Variants in LINGO1 observed in about 807,000 individuals in gnomAD.
LINGO1 encodes the protein leucine rich repeat and Ig domain containing 1.
LINGO1 carries 11 observed loss-of-function variants against 37.3 expected under a neutral mutation model. The observed-to-expected ratio is 0.29, with a 90% confidence interval of 0.19 to 0.49. The LOEUF (loss-of-function observed/expected upper bound fraction) is 0.49, where lower values mean the gene tolerates loss of function less well. Ranked by LOEUF, LINGO1 falls within the 20% of genes least tolerant of loss-of-function variation. The pLI, the probability that LINGO1 is intolerant of heterozygous loss-of-function variation, is 0.99. For synonymous variants in LINGO1, 387 were observed against 403.0 expected (o/e 0.96, Z 0.48); for missense variants, 585 against 878.2 (o/e 0.67, Z 4.22).
chr15:77,814,812 G>C (rs1215310800), intron 1 of LINGO1, among the ~76,000 whole-genome samples: 1 of 152,242 alleles, frequency 6.6e-6, no homozygotes, highest in Admixed American at 6.5e-5. Context: ...CAGAGTTTCA[G>C]AATCAGCGCC....
At position 77,632,301 on chromosome 15, in the gene LINGO1, C is replaced by T. The variant is rs574047775; in HGVS notation, c.6+9G>A. On this transcript the variant is annotated intron_variant, in intron 1 of 1. Transcript: ENST00000355300. This position sits in a 1 kb window ranked among gnomAD's most constrained non-coding sequence, Gnocchi z 6.0. ...CCGCTCGGGGCTCGGCCGCGGCCGC[C>T]TGGCTCACCTGCATCTCGGGCGCGC... is the stretch of plus-strand genomic sequence containing the variant. 246 of 1,434,492 alleles carry T rather than the reference C, an allele frequency of 1.7e-4. No homozygotes were observed. In the Middle Eastern group the frequency reaches 2.2e-3, roughly 13 times the overall value. 88.9% of individuals were successfully genotyped at this position (1,434,492 alleles called of 1,614,324 possible).
intron 1 of LINGO1, among the ~76,000 whole-genome samples, chr15:77,758,725 T>C (rs184808080): frequency 8.5e-4 from 130 of 152,212 alleles, no homozygotes; most frequent in African/African-American, 3.0e-3. Flanking sequence ...TGAAAAACAA[T>C]GAGACTGCCT....
At chr15:77,700,312 T>C (rs1355570299), upstream of LINGO1, among the ~76,000 whole-genome samples, 3 of 152,128 alleles carry the variant, frequency 2.0e-5, no homozygotes, top group African/African-American at 7.2e-5. Flanking sequence ...CAAAAGAAGT[T>C]GCCTACTCTG....
chr15:77,743,152 C>G (rs2076281607), intron 1 of LINGO1, among the ~76,000 whole-genome samples: 2 of 152,066 alleles, frequency 1.3e-5, no homozygotes, highest in Admixed American at 1.3e-4. Context: ...TCCGGACTAC[C>G]CCCTACCCCA....
intron 1 of LINGO1, among the ~76,000 whole-genome samples, chr15:77,770,676 G>T (rs1277731187): frequency 6.6e-6 from 1 of 151,922 alleles, no homozygotes; most frequent in Non-Finnish European, 1.5e-5. Context: ...CGAAGAGGGG[G>T]TTTAAATCCA....
At chr15:77,786,548 C>A (rs1261364930) in intron 1 of LINGO1, among the ~76,000 whole-genome samples, 3 of 152,172 alleles carry the variant, frequency 2.0e-5, no homozygotes, top group African/African-American at 2.4e-5. Context: ...TTTACACAGA[C>A]GGCCTCGGCT....
chr15:77,721,172 C>T (rs2076045910), intron 2 of LINGO1, among the ~76,000 whole-genome samples: 1 of 152,146 alleles, frequency 6.6e-6, no homozygotes, highest in Non-Finnish European at 1.5e-5. Context: ...GTGTCTAACC[C>T]TCCCGCCCCA....
intron 2 of LINGO1, among the ~76,000 whole-genome samples, chr15:77,715,780 C>A (rs540601921): frequency 6.6e-6 from 1 of 152,332 alleles, no homozygotes; most frequent in South Asian, 2.1e-4. Context: ...CTGTCCCCAA[C>A]AGGTGCCCAG....
At chr15:77,779,490 A>G (rs2076693844) in intron 1 of LINGO1, among the ~76,000 whole-genome samples, 1 of 152,112 alleles carries the variant, frequency 6.6e-6, no homozygotes, top group Non-Finnish European at 1.5e-5. Context: ...TTTTCCTGCA[A>G]CTAGATTGTC....
At chr15:77,760,866 C>T (rs9672778) in intron 1 of LINGO1, among the ~76,000 whole-genome samples, 26,828 of 150,970 alleles carry the variant, frequency 0.18, 2,753 homozygotes, top group Middle Eastern at 0.24. Context: ...AAACAGAAAC[C>T]ACAGAAATTT....
chr15:77,819,292 G>C (rs1445496088), intron 1 of LINGO1: 1 of 150,414 alleles, frequency 6.6e-6, no homozygotes, highest in Non-Finnish European at 1.5e-5. Flanking sequence ...CGCCGTCCGC[G>C]CGCGGCTCCG....
intron 3 of LINGO1, among the ~76,000 whole-genome samples, chr15:77,660,390 G>C (rs1261848296): frequency 6.6e-6 from 1 of 152,212 alleles, no homozygotes. Context: ...GATCCGGAGG[G>C]GAGGGTGCCT....
rs190210329 is a variant in LINGO1 at position 77,749,840 on chromosome 15, C to T, written c.-256-14787G>A. Among the ~76,000 whole-genome samples, 381 of 152,294 alleles carry T rather than the reference C, an allele frequency of 2.5e-3. 1 individual carries two copies. Among genetic ancestry groups the T allele is most frequent in the Non-Finnish European group, 4.7e-3 (321 of 68,028 alleles). On this transcript the variant is annotated intron_variant, in intron 1 of 3. Coordinates refer to the LINGO1 transcript ENST00000561686. ...GCTGGGCATGTCTGGAGCCCAAGGG[C>T]CAGCTTGAGGGCTGGTAAGAGGAAG...
chr15:77,728,103 C>T (rs577188988), intron 2 of LINGO1, among the ~76,000 whole-genome samples: 4 of 152,248 alleles, frequency 2.6e-5, no homozygotes, highest in Non-Finnish European at 5.9e-5. Flanking sequence ...TCTCCTCCCC[C>T]AGTCCAGGCC....
intron 1 of LINGO1, among the ~76,000 whole-genome samples, chr15:77,618,208 G>A (rs1484385985): frequency 6.6e-6 from 1 of 152,204 alleles, no homozygotes; most frequent in Non-Finnish European, 1.5e-5. Context: ...GAATGAGGGG[G>A]GCTAGTGAGG....
intron 1 of LINGO1, among the ~76,000 whole-genome samples, chr15:77,816,519 T>C (rs1172613781): frequency 2.0e-5 from 3 of 152,146 alleles, no homozygotes; most frequent in Non-Finnish European, 4.4e-5. Flanking sequence ...TTAGAATATC[T>C]TTACAATTTA....
At chr15:77,724,465 C>T (rs1228174253) in intron 2 of LINGO1, among the ~76,000 whole-genome samples, 2 of 152,220 alleles carry the variant, frequency 1.3e-5, no homozygotes, top group Admixed American at 1.3e-4. Flanking sequence ...ATGTCGAACA[C>T]ATTCCCCCAG....
intron 1 of LINGO1, among the ~76,000 whole-genome samples, chr15:77,741,604 C>G (rs997085481): frequency 1.3e-5 from 2 of 152,172 alleles, no homozygotes; most frequent in Non-Finnish European, 2.9e-5. Flanking sequence ...TATGCTGTGG[C>G]CAGCCGCTCT....
rs992661664 is a variant in LINGO1, at chr15:77,655,325, T to G, written c.-13+21764A>C. On this transcript the variant is annotated intron_variant, in intron 3 of 3. Transcript: ENST00000559893. ...CATGTGGCCTGGGTTGGGCCCAGGTTGGTTCTGCCCCAGCTCCCAACTGCC... is the reference window on the plus strand; with the variant it reads ...CATGTGGCCTGGGTTGGGCCCAGGTGGGTTCTGCCCCAGCTCCCAACTGCC... Among the ~76,000 whole-genome samples, 4 of 152,140 alleles carry G rather than the reference T, an allele frequency of 2.6e-5. No individual in the cohort carries two copies. The South Asian group carries it at 8.3e-4, about 32-fold the overall frequency.
Sources: allele counts gnomAD v4.1 joint callset (sites outside exome capture counted in the v4.1 genomes callset), GRCh38; gene constraint gnomAD v4.1.1; non-coding constraint Gnocchi (gnomAD v3.1); transcripts MANE v1.5; gene names NCBI Gene and HGNC (gene_info 2026-07-23, HGNC 2026-07-21).